Variants in CCND3 observed in about 807,000 individuals in gnomAD.
The protein encoded by CCND3 is cyclin D3.
Under a neutral mutation model 28.7 loss-of-function variants are expected in CCND3, and 9 were observed. The ratio of observed to expected loss-of-function variants is 0.31; its 90% confidence interval spans 0.19 to 0.55. The LOEUF (loss-of-function observed/expected upper bound fraction) is 0.55. CCND3 is among the 20% of genes least tolerant of loss of function. The pLI, the probability that CCND3 is intolerant of heterozygous loss-of-function variation, is 0.93. For missense variants in CCND3, 315 were observed against 385.8 expected, an observed-to-expected ratio of 0.82 and a Z score of 1.54; for synonymous variants, 164 against 163.9, an observed-to-expected ratio of 1.00 and a Z score of 0.00.
intron 1 of CCND3, among the ~76,000 whole-genome samples, chr6:41,988,965 C>T (rs1762573722): frequency 6.6e-6 from 1 of 151,880 alleles, no homozygotes; most frequent in Non-Finnish European, 1.5e-5. Flanking sequence ...TCCCAAAGTG[C>T]TGGGATTACA....
intron 1 of CCND3, among the ~76,000 whole-genome samples, chr6:41,979,881 C>G (rs926540999): frequency 6.6e-6 from 1 of 151,962 alleles, no homozygotes; most frequent in Non-Finnish European, 1.5e-5. Flanking sequence ...AGTGATCCCC[C>G]TGCCTCGGCC....
chr6:41,940,012 T>A (rs928546125), intron 2 of CCND3, among the ~76,000 whole-genome samples: 5 of 152,098 alleles, frequency 3.3e-5, no homozygotes, highest in African/African-American at 1.2e-4. Flanking sequence ...GGCATGCCCT[T>A]CTGCTGCCAA....
chr6:41,996,906 TC>T (rs1197507282), intron 1 of CCND3, among the ~76,000 whole-genome samples: 3 of 151,816 alleles, frequency 2.0e-5, no homozygotes, highest in Non-Finnish European at 4.4e-5. Context: ...CTCATGATCC[TC>T]CCGCCTTGGC....
intron 1 of CCND3, among the ~76,000 whole-genome samples, chr6:41,973,494 G>C (rs954489148): frequency 2.6e-5 from 4 of 151,968 alleles, no homozygotes; most frequent in African/African-American, 9.7e-5. Context: ...ATGTTATATA[G>C]ACTACTGTAC....
chr6:41,968,829 G>A (rs1208570105), intron 1 of CCND3, among the ~76,000 whole-genome samples: 1 of 151,694 alleles, frequency 6.6e-6, no homozygotes, highest in African/African-American at 2.4e-5. Flanking sequence ...GTTTTGACAC[G>A]GAGTCTCACT....
chr6:41,977,188 G>T (rs1276137478), intron 1 of CCND3, among the ~76,000 whole-genome samples: 4 of 152,018 alleles, frequency 2.6e-5, no homozygotes, highest in Non-Finnish European at 4.4e-5. Flanking sequence ...ATACTTCCCA[G>T]AAATTTACAT....
chr6:41,949,449 G>A (rs1009255144), intron 1 of CCND3, among the ~76,000 whole-genome samples: 1 of 152,160 alleles, frequency 6.6e-6, no homozygotes, highest in African/African-American at 2.4e-5. Flanking sequence ...AGGTTGCAGT[G>A]AGCCGAGATC....
chr6:41,964,320 G>A (rs1253215835), intron 1 of CCND3, among the ~76,000 whole-genome samples: 1 of 97,208 alleles, frequency 1.0e-5, no homozygotes, highest in Non-Finnish European at 2.7e-5. Flanking sequence ...GTGTGAGTCT[G>A]TGTGTGTGAA....
chr6:41,967,105 A>G (rs1220838373), intron 1 of CCND3, among the ~76,000 whole-genome samples: 1 of 152,148 alleles, frequency 6.6e-6, no homozygotes, highest in Non-Finnish European at 1.5e-5. Context: ...CTCTAGGAAA[A>G]AAACAAAACA....
At chr6:42,006,031 G>A (rs1333951465) in intron 1 of CCND3, among the ~76,000 whole-genome samples, 1 of 151,746 alleles carries the variant, frequency 6.6e-6, no homozygotes, top group Non-Finnish European at 1.5e-5. Context: ...GCAGGGTGTG[G>A]TGTTGTGTGC....
At position 41,941,481 on chromosome 6, in the gene CCND3, G is replaced by T. The variant is rs2127395096; in HGVS notation, c.169C>A (p.Arg57=). ...AGCATCCAGTAAGCCAGCATCTTCC[G>T]CATGTGCGGCTTGATCTCCCGCTGC... ...CVQREIKPHM[R]KMLAYWMLEV... is the part of the protein sequence containing the mutation. The change falls in exon 1 of 5, where the codon CGG becomes AGG. Residue 57 remains arginine, a synonymous_variant. Coordinates refer to ENST00000372991, the MANE Select transcript of CCND3 (RefSeq NM_001760.5). The surrounding 1 kb of genome is among the most constrained non-coding windows in gnomAD (Gnocchi z 6.1). 1 of 1,607,784 alleles carries T rather than the reference G, an allele frequency of 6.2e-7. No homozygotes were observed. Among genetic ancestry groups the T allele is most frequent in the East Asian group, 2.3e-5 (1 of 44,306 alleles).
intron 1 of CCND3, among the ~76,000 whole-genome samples, chr6:42,025,584 G>A (rs140883947): frequency 7.9e-5 from 12 of 152,290 alleles, no homozygotes; most frequent in African/African-American, 2.6e-4. Context: ...AAGTGAAACC[G>A]CACCTCCAAT....
intron 1 of CCND3, among the ~76,000 whole-genome samples, chr6:42,033,512 A>T (rs1764106473): frequency 6.6e-6 from 1 of 151,800 alleles, no homozygotes; most frequent in Non-Finnish European, 1.5e-5. Flanking sequence ...ACACGCACAC[A>T]TAGATGTGTG....
In CCND3 at chr6:41,935,099, A is replaced by AT. The variant is rs1409758880; in HGVS notation, c.*840dup. ...GCCACCTCCAGGGCATCCCTGCTGC[A>AT]TTTTCCCTGCTGGAGGATGGGGCAG... On this transcript the variant is annotated 3_prime_UTR_variant, in exon 5 of 5. Coordinates refer to ENST00000372991, the MANE Select transcript of CCND3 (RefSeq NM_001760.5). The AT allele has an allele frequency of 1.3e-5, 3 of 233,182 alleles. No homozygotes were observed. The highest frequency in any genetic ancestry group is 2.5e-5 in the Non-Finnish European group (3 of 118,076). The allele number at this position is 233,182 out of a possible 1,614,324, so 14.4% of individuals were successfully genotyped here. A position where few individuals can be genotyped will look rare whatever the true frequency, so the allele number is the denominator to read the frequency against.
intron 1 of CCND3, among the ~76,000 whole-genome samples, chr6:41,950,741 C>T (rs1387214395): frequency 6.8e-6 from 1 of 147,328 alleles, no homozygotes; most frequent in African/African-American, 2.5e-5. Flanking sequence ...TGGAGTCTCT[C>T]TCTGTCACCC....
intron 1 of CCND3, among the ~76,000 whole-genome samples, chr6:41,997,999 T>A (rs1462430633): frequency 1.8e-5 from 2 of 112,148 alleles, no homozygotes; most frequent in Non-Finnish European, 3.8e-5. Flanking sequence ...AAAAAAAAAT[T>A]ACAAAAATTA....
intron 1 of CCND3, among the ~76,000 whole-genome samples, chr6:42,037,765 G>T (rs1015060513): frequency 4.0e-5 from 6 of 151,800 alleles, no homozygotes; most frequent in Admixed American, 1.3e-4. Flanking sequence ...AGGCATAGTG[G>T]CATGCGCCTG....
At chr6:41,940,799 C>T in intron 1 of CCND3, 1 of 899,802 alleles carries the variant, frequency 1.1e-6, no homozygotes, top group Non-Finnish European at 1.9e-6. Context: ...CTCCCCTTGA[C>T]GGGGGAGTGG....
intron 1 of CCND3, among the ~76,000 whole-genome samples, chr6:42,030,601 C>G (rs1764015464): frequency 6.6e-6 from 1 of 152,212 alleles, no homozygotes; most frequent in South Asian, 2.1e-4. Flanking sequence ...ACTGTCTCCT[C>G]TCCATGCCCC....
Sources: gnomAD v4.1 joint callset for allele counts (sites outside exome capture counted in the v4.1 genomes callset) on GRCh38, gnomAD v4.1.1 for gene constraint, Gnocchi (gnomAD v3.1) non-coding constraint, MANE v1.5 for transcripts, NCBI Gene and HGNC (gene_info 2026-07-23, HGNC 2026-07-21) for gene names.